LARGE1: variants seen among roughly 807,000 people sequenced by gnomAD.
LARGE1 encodes the protein LARGE xylosyl- and glucuronyltransferase 1, also known as xylosyl- and glucuronyltransferase LARGE1.
In LARGE1, 43 loss-of-function variants were observed where a neutral mutation model predicts 87.6. That is an observed-to-expected ratio of 0.49 (90% CI 0.38 to 0.63). The LOEUF (loss-of-function observed/expected upper bound fraction) is 0.63, where lower values mean the gene tolerates loss of function less well. LARGE1 is among the 30% of genes least tolerant of loss of function. LARGE1 has a pLI of 0.00. For synonymous variants in LARGE1, 434 were observed against 394.6 expected (o/e 1.10, Z -1.18); for missense variants, 802 against 1,000.2 (o/e 0.80, Z 2.67).
At chr22:33,310,387 C>T (rs757902476) in intron 11 of LARGE1, among the ~76,000 whole-genome samples, 4 of 152,122 alleles carry the variant, frequency 2.6e-5, no homozygotes, top group Non-Finnish European at 2.9e-5. Context: ...GATAGGTGAA[C>T]CCCTCGTGAT....
At chr22:33,313,945 C>G (rs770106036) in intron 11 of LARGE1, among the ~76,000 whole-genome samples, 3 of 152,198 alleles carry the variant, frequency 2.0e-5, no homozygotes, top group Non-Finnish European at 4.4e-5. Context: ...CAACAGAAAA[C>G]GAATGGGGTG....
chr22:33,215,770 A>G (rs1489430775), intron 11 of LARGE1, among the ~76,000 whole-genome samples: 2 of 152,212 alleles, frequency 1.3e-5, no homozygotes, highest in Non-Finnish European at 2.9e-5. Context: ...CAGCTGGCCA[A>G]CATGTCGAAA....
At chr22:33,570,713 T>C (rs1320932101) in intron 5 of LARGE1, among the ~76,000 whole-genome samples, 3 of 148,860 alleles carry the variant, frequency 2.0e-5, no homozygotes, top group East Asian at 2.0e-4. Flanking sequence ...CTCCCTCTGG[T>C]AGATCTCCAA....
At chr22:33,662,296 A>G (rs926242263) in intron 2 of LARGE1, among the ~76,000 whole-genome samples, 11 of 152,184 alleles carry the variant, frequency 7.2e-5, no homozygotes, top group African/African-American at 2.6e-4. Flanking sequence ...CTCTTCCCTT[A>G]TACTGCATGT....
At chr22:33,187,636 A>T (rs1923545189) in intron 11 of LARGE1, among the ~76,000 whole-genome samples, 1 of 152,048 alleles carries the variant, frequency 6.6e-6, no homozygotes, top group Non-Finnish European at 1.5e-5. Flanking sequence ...CACTAAGAGG[A>T]GGCCGGGCGC....
In LARGE1 at chr22:33,585,926, C is replaced by A. The variant is rs142664728; in HGVS notation, c.615+18509G>T. Among the ~76,000 whole-genome samples the A allele has an allele frequency of 1.6e-3, 245 of 152,258 alleles. 1 individual carries two copies. Among genetic ancestry groups the A allele is most frequent in the African/African-American group, 5.6e-3 (231 of 41,548 alleles). On this transcript the variant is annotated intron_variant, in intron 5 of 14. Transcript: ENST00000397394. Reference sequence around the variant, plus strand: ...GTTGGCCAGGCTGGTCTCAAACTCCCGACCTCAAACGATCCACCTGCCTCG... The same window carrying A: ...GTTGGCCAGGCTGGTCTCAAACTCCAGACCTCAAACGATCCACCTGCCTCG...
intron 6 of LARGE1, among the ~76,000 whole-genome samples, chr22:33,458,695 T>G (rs1418748842): frequency 6.6e-6 from 1 of 152,192 alleles, no homozygotes; most frequent in African/African-American, 2.4e-5. Flanking sequence ...CCCAAAGTGC[T>G]GGGATTACAT....
At chr22:33,492,314 T>G (rs1197099166) in intron 6 of LARGE1, among the ~76,000 whole-genome samples, 1 of 152,194 alleles carries the variant, frequency 6.6e-6, no homozygotes, top group Non-Finnish European at 1.5e-5. Context: ...CCATCTTGAT[T>G]CTCTGACGTC....
At chr22:33,292,278 AC>A (rs1423639384) in intron 12 of LARGE1, among the ~76,000 whole-genome samples, 1 of 152,198 alleles carries the variant, frequency 6.6e-6, no homozygotes, top group African/African-American at 2.4e-5. Context: ...CACAAAACGA[AC>A]TAGGACATAT....
At chr22:33,462,669 T>C (rs1001883157) in intron 6 of LARGE1, among the ~76,000 whole-genome samples, 1 of 152,098 alleles carries the variant, frequency 6.6e-6, no homozygotes, top group African/African-American at 2.4e-5. Context: ...TAATCCCAGC[T>C]ACTCAGGAGG....
exon 12 of LARGE1, chr22:33,165,089 C>T (rs562480305): frequency 2.6e-5 from 4 of 152,134 alleles, no homozygotes; most frequent in African/African-American, 7.2e-5. Context: ...TATCCCAAAC[C>T]TCAGCATCGT....
the LARGE1 span, among the ~76,000 whole-genome samples, chr22:33,130,957 C>T: frequency 0.093 from 13,583 of 146,238 alleles, 629 homozygotes; most frequent in African/African-American, 0.12. Flanking sequence ...TGGCGTGAAC[C>T]CGGGAGGCGG....
chr22:33,134,274 T>TG, the LARGE1 span, among the ~76,000 whole-genome samples: 5 of 114,774 alleles, frequency 4.4e-5, no homozygotes, highest in African/African-American at 1.6e-4. Context: ...TTTTTTTTTT[T>TG]TTGAGACAGA....
intron 6 of LARGE1, among the ~76,000 whole-genome samples, chr22:33,555,649 C>T (rs1373582358): frequency 2.0e-5 from 3 of 152,052 alleles, no homozygotes; most frequent in African/African-American, 7.2e-5. Context: ...GATTGAAGGG[C>T]CAGGCGTGGT....
chr22:33,389,847 A>AAACCAACCAACC (rs143324200), intron 7 of LARGE1, among the ~76,000 whole-genome samples: 1 of 139,998 alleles, frequency 7.1e-6, no homozygotes, highest in Non-Finnish European at 1.6e-5. Context: ...TCAGTCTCAA[A>AAACCAACCAACC]AACCAACCAA....
At chr22:33,853,091 G>A (rs921575670) in intron 1 of LARGE1, among the ~76,000 whole-genome samples, 1 of 151,962 alleles carries the variant, frequency 6.6e-6, no homozygotes, top group Non-Finnish European at 1.5e-5. Flanking sequence ...TTAATCCAAG[G>A]AGAAATTAAT....
intron 12 of LARGE1, among the ~76,000 whole-genome samples, chr22:33,293,970 A>G (rs1932914905): frequency 6.6e-6 from 1 of 152,226 alleles, no homozygotes; most frequent in South Asian, 2.1e-4. Flanking sequence ...TTTAGCACTA[A>G]TGACCACTCC....
At chr22:33,680,975 G>A (rs544868872) in intron 2 of LARGE1, among the ~76,000 whole-genome samples, 117 of 152,270 alleles carry the variant, frequency 7.7e-4, no homozygotes, top group Middle Eastern at 3.4e-3. Context: ...GTTATCAGCT[G>A]GAGGAGGCTG....
chr22:33,508,932 A>C (rs12158120), intron 6 of LARGE1, among the ~76,000 whole-genome samples: 3,085 of 152,290 alleles, frequency 0.02, 86 homozygotes, highest in African/African-American at 0.058. Context: ...AGTGCTAATT[A>C]CTAACAACTA....
Sources: gnomAD v4.1 joint callset for allele counts (sites outside exome capture counted in the v4.1 genomes callset) on GRCh38, gnomAD v4.1.1 for gene constraint, MANE v1.5 for transcripts, NCBI Gene and HGNC (gene_info 2026-07-23, HGNC 2026-07-21) for gene names.